DRAM2: variants seen among roughly 807,000 people sequenced by gnomAD.
DRAM2 encodes the protein DNA damage regulated autophagy modulator 2.
DRAM2 carries 26 observed loss-of-function variants against 33.5 expected under a neutral mutation model. The ratio of observed to expected loss-of-function variants is 0.78; its 90% CI spans 0.57 to 1.08. The LOEUF (loss-of-function observed/expected upper bound fraction) is 1.08. Among genes scored for constraint, DRAM2 ranks in the 50% least tolerant of loss-of-function variants. The pLI is 0.00. For missense variants in DRAM2, 311 were observed against 318.1 expected (o/e 0.98, Z 0.17); for synonymous variants, 98 against 109.5 (o/e 0.89, Z 0.66).
chr1:111,118,777 G>A (rs373880680), intron 9 of DRAM2, 28 bp downstream of exon 9: 4 of 1,548,036 alleles, frequency 2.6e-6, no homozygotes, highest in Non-Finnish European at 3.5e-6. Context: ...AAGTCTGACT[G>A]AATAAATCTA....
intron 4 of DRAM2, among the ~76,000 whole-genome samples, chr1:111,129,541 T>C (rs556070924): frequency 2.6e-5 from 4 of 152,336 alleles, no homozygotes; most frequent in African/African-American, 9.6e-5. Context: ...TAATTATGAT[T>C]TCCTCATATC....
intron 6 of DRAM2, among the ~76,000 whole-genome samples, chr1:111,123,086 A>G (rs913671601): frequency 3.3e-5 from 5 of 152,140 alleles, no homozygotes; most frequent in Non-Finnish European, 7.4e-5. Context: ...GAGACAGACA[A>G]TCACCATCCT....
intron 3 of DRAM2, among the ~76,000 whole-genome samples, chr1:111,133,458 G>A (rs1652541197): frequency 6.6e-6 from 1 of 152,120 alleles, no homozygotes; most frequent in African/African-American, 2.4e-5. Context: ...GATTATAGGC[G>A]TGAGCTACCA....
At chr1:111,118,346 C>T in intron 9 of DRAM2, 79 bp from the exon 10 acceptor site, 1 of 909,374 alleles carries the variant, frequency 1.1e-6, no homozygotes. Flanking sequence ...CTATAGGCTA[C>T]CTTGTGATTA....
intron 3 of DRAM2, among the ~76,000 whole-genome samples, chr1:111,132,398 G>T (rs1285731287): frequency 1.3e-5 from 2 of 152,182 alleles, no homozygotes; most frequent in African/African-American, 4.8e-5. Context: ...CAAGGATGGG[G>T]TAGTGAGAAC....
intron 6 of DRAM2, among the ~76,000 whole-genome samples, chr1:111,121,747 A>G (rs931272451): frequency 6.6e-6 from 1 of 152,172 alleles, no homozygotes; most frequent in Non-Finnish European, 1.5e-5. Context: ...CCAATCCTGC[A>G]TAGTCCCTTT....
chr1:111,130,355 C>T (rs1225388848), intron 4 of DRAM2, among the ~76,000 whole-genome samples: 3 of 152,174 alleles, frequency 2.0e-5, no homozygotes, highest in African/African-American at 7.2e-5. Flanking sequence ...TAGTTTCTAC[C>T]TTATCCAGTT....
intron 4 of DRAM2, 67 bp from the exon 5 acceptor site, chr1:111,126,361 G>A: frequency 1.1e-6 from 1 of 908,648 alleles, no homozygotes; most frequent in South Asian, 1.5e-5. Flanking sequence ...TCTTCTAAGG[G>A]ATAAGAATAT....
chr1:111,127,621 A>G (rs1389714616), intron 4 of DRAM2, among the ~76,000 whole-genome samples: 1 of 152,182 alleles, frequency 6.6e-6, no homozygotes, highest in Non-Finnish European at 1.5e-5. Flanking sequence ...TGTTCCTGCT[A>G]CTTTTCAAAT....
chr1:111,130,843 A>C (rs1386982993), intron 4 of DRAM2, among the ~76,000 whole-genome samples: 1 of 149,738 alleles, frequency 6.7e-6, no homozygotes, highest in African/African-American at 2.4e-5. Flanking sequence ...AAAAATGCAA[A>C]AAAAAAAAAA....
intron 2 of DRAM2, among the ~76,000 whole-genome samples, chr1:111,138,451 T>C (rs1462516454): frequency 1.3e-5 from 2 of 152,232 alleles, no homozygotes; most frequent in Non-Finnish European, 2.9e-5. Context: ...ATTGAGAGTA[T>C]GCAGGAATAA....
At chr1:111,132,608 TGATG>T (rs1652325993) in intron 3 of DRAM2, among the ~76,000 whole-genome samples, 1 of 152,020 alleles carries the variant, frequency 6.6e-6, no homozygotes, top group Non-Finnish European at 1.5e-5. Flanking sequence ...CCATACTTCT[TGATG>T]ATCAGAGAAG....
chr1:111,124,184 G>T (rs1650564895), intron 6 of DRAM2, among the ~76,000 whole-genome samples: 1 of 152,044 alleles, frequency 6.6e-6, no homozygotes, highest in Non-Finnish European at 1.5e-5. Context: ...TCTCTGTGGA[G>T]AATTGAAAAA....
At position 111,124,777 on chromosome 1, in the gene DRAM2, T is replaced by C; in HGVS notation, c.304A>G (p.Ser102Gly). Residue 102 changes from serine to glycine, a missense_variant, in exon 6 of 10, where the codon AGT becomes GGT. Coordinates refer to ENST00000484310, the MANE Select transcript of DRAM2 (RefSeq NM_001349884.2). ...GCCACAATAGAAAGTCCTAAACAAC[T>C]CAGTATTCCAAGTACAAGGCCAGCC... Reference protein sequence around the residue: ...NKAGLVLGILSCLGLSIVANF... With the variant: ...NKAGLVLGILGCLGLSIVANF... 1 of 1,613,530 alleles carries C rather than the reference T, an allele frequency of 6.2e-7. No individual in the cohort carries two copies. Among genetic ancestry groups the C allele is most frequent in the Non-Finnish European group, 8.5e-7 (1 of 1,179,690 alleles).
At chr1:111,123,582 C>A (rs1650430859) in intron 6 of DRAM2, among the ~76,000 whole-genome samples, 1 of 152,138 alleles carries the variant, frequency 6.6e-6, no homozygotes. Flanking sequence ...CCCTGGCCTG[C>A]CTTCACCAAG....
chr1:111,138,848 C>G (rs930479636), intron 2 of DRAM2, among the ~76,000 whole-genome samples: 1 of 152,154 alleles, frequency 6.6e-6, no homozygotes, highest in African/African-American at 2.4e-5. Flanking sequence ...CTTTGAAGTT[C>G]TATGAATCAA....
chr1:111,134,615 G>A (rs1430175005), intron 3 of DRAM2, among the ~76,000 whole-genome samples: 1 of 151,936 alleles, frequency 6.6e-6, no homozygotes, highest in Non-Finnish European at 1.5e-5. Flanking sequence ...TCCAGGACAA[G>A]AGTTCTTAAT....
In DRAM2 at chr1:111,124,750, T is replaced by G. The variant is rs1378060953; in HGVS notation, c.331A>C (p.Asn111His). 1 of 1,613,286 alleles carries G rather than the reference T, an allele frequency of 6.2e-7. No homozygotes were observed. Among genetic ancestry groups the G allele is most frequent in the East Asian group, 2.2e-5 (1 of 44,804 alleles). Residue 111 changes from asparagine (N) to histidine (H), a missense_variant, in exon 6 of 10, where the codon AAC becomes CAC. Asn to His is a moderately conservative substitution (Grantham distance 68, BLOSUM62 1). Transcript: ENST00000484310. Reference sequence around the variant, plus strand: ...TGGGCTAAAACACAAACCTGGAAGTTTGCCACAATAGAAAGTCCTAAACAA... The same window carrying G: ...TGGGCTAAAACACAAACCTGGAAGTGTGCCACAATAGAAAGTCCTAAACAA... ...LSCLGLSIVANFQKTTLFAAH... is the reference protein window; with the variant it reads ...LSCLGLSIVAHFQKTTLFAAH...
chr1:111,133,917 C>T lies in DRAM2; in HGVS notation c.-14-2349G>A, dbSNP rs146797544. On this transcript the variant is annotated intron_variant, in intron 3 of 9. Transcript: ENST00000484310. The stretch of plus-strand genomic sequence containing the variant: ...TGTCCCTGCTTTGTTTTTAACAGCA[C>T]CCTTTACTTCCCCAACCAGGGCACT... Among the ~76,000 whole-genome samples the T allele has an allele frequency of 2.4e-3, 364 of 152,310 alleles. 1 individual carries two copies. The highest frequency in any genetic ancestry group is 8.2e-3 in the African/African-American group (340 of 41,566).
Sources: allele counts gnomAD v4.1 joint callset (sites outside exome capture counted in the v4.1 genomes callset), GRCh38; gene constraint gnomAD v4.1.1; transcripts MANE v1.5; gene names NCBI Gene and HGNC (gene_info 2026-07-23, HGNC 2026-07-21).